FRK: variants seen among roughly 807,000 people sequenced by gnomAD.
FRK encodes the protein fyn related Src family tyrosine kinase.
Under a neutral mutation model 56.4 loss-of-function variants are expected in FRK, and 51 were observed. The ratio of observed to expected loss-of-function variants is 0.90; its 90% CI spans 0.72 to 1.14. The LOEUF (loss-of-function observed/expected upper bound fraction) is 1.14. Among genes scored for constraint, FRK ranks in the 50% most tolerant of loss-of-function variants. The pLI is 0.00. For synonymous variants in FRK, 245 were observed against 217.9 expected, an observed-to-expected ratio of 1.12 and a Z score of -1.10; for missense variants, 570 against 601.4, an observed-to-expected ratio of 0.95 and a Z score of 0.55.
chr6:116,018,433 C>G (rs1205736737), intron 1 of FRK, among the ~76,000 whole-genome samples: 3 of 152,188 alleles, frequency 2.0e-5, no homozygotes, highest in Non-Finnish European at 4.4e-5. Context: ...TATGCATCCT[C>G]TCGCTGTCCA....
the FRK span, among the ~76,000 whole-genome samples, chr6:116,098,264 A>G: frequency 6.6e-6 from 1 of 151,886 alleles, no homozygotes; most frequent in Non-Finnish European, 1.5e-5. Context: ...GGTGCCTGCC[A>G]CCATACCCTG....
At chr6:115,955,457 T>G (rs1772947761) in intron 5 of FRK, among the ~76,000 whole-genome samples, 1 of 152,184 alleles carries the variant, frequency 6.6e-6, no homozygotes, top group Non-Finnish European at 1.5e-5. Context: ...AAGGGGTTAT[T>G]TAATAGCTGA....
At chr6:116,007,370 A>T (rs11153591) in intron 1 of FRK, among the ~76,000 whole-genome samples, 29,905 of 152,118 alleles carry the variant, frequency 0.2, 3,845 homozygotes, top group Middle Eastern at 0.35. Flanking sequence ...AGATGAGGAA[A>T]CTCAGGCCCA....
rs746468630 is a variant in FRK, at chr6:115,931,371, G to A, written c.*11043C>T. On this transcript the variant is annotated 3_prime_UTR_variant, in exon 8 of 8. Transcript: ENST00000606080. ...AAATAAAAATGTTTAAAAATTGTAA[G>A]TAGTTACATTTGAATCTGGGTAAAT... The A allele has an allele frequency of 4.6e-5, 7 of 152,262 alleles. No individual in the cohort carries two copies. The highest frequency in any genetic ancestry group is 6.5e-5 in the Admixed American group (1 of 15,298). The allele number at this position is 152,262 out of a possible 1,614,324, so 9.4% of individuals were successfully genotyped here. A position where few individuals can be genotyped will look rare whatever the true frequency, so the allele number is the denominator to read the frequency against.
Position 116,060,131 on chromosome 6 carries a change from A to G in FRK, c.181T>C (p.Leu61=). The change falls in exon 1 of 8, where the codon TTG becomes CTG. Residue 61 remains leucine, a synonymous_variant. Coordinates refer to ENST00000606080, the MANE Select transcript of FRK (RefSeq NM_002031.3). ...AGTTTGTCACCTGCTCGGAAGCTCA[A>G]GTCCTCAGCAGTCCGAGCCTGGTAA... The part of the protein sequence containing the change: ...FDYQARTAED[L]SFRAGDKLQV... 1.9e-6 allele frequency: 3 copies of G among 1,614,180 alleles called. No homozygotes were observed. The highest frequency in any genetic ancestry group is 2.5e-6 in the Non-Finnish European group (3 of 1,180,028).
At position 115,931,970 on chromosome 6, in the gene FRK, A is replaced by G. The variant is rs1333528963; in HGVS notation, c.*10444T>C. ...TTTCTGGAAAAGCTGATTATTCTCCATGAAAATGAAAAAGATGTTACATTG... is the reference window on the plus strand; with the variant it reads ...TTTCTGGAAAAGCTGATTATTCTCCGTGAAAATGAAAAAGATGTTACATTG... On this transcript the variant is annotated 3_prime_UTR_variant, in exon 8 of 8. Coordinates refer to ENST00000606080, the MANE Select transcript of FRK (RefSeq NM_002031.3). The G allele has an allele frequency of 2.0e-5, 3 of 152,214 alleles. No homozygotes were observed. Among genetic ancestry groups the G allele is most frequent in the African/African-American group, 7.2e-5 (3 of 41,444 alleles). 9.4% of individuals were successfully genotyped at this position (152,214 alleles called of 1,614,324 possible).
intron 4 of FRK, among the ~76,000 whole-genome samples, chr6:115,958,818 G>A (rs9400882): frequency 0.035 from 573 of 16,208 alleles, 34 homozygotes; most frequent in Middle Eastern, 0.088. Flanking sequence ...AAGAAAGAAA[G>A]AAAAAGAAAG....
At chr6:116,097,592 C>T in the FRK span, among the ~76,000 whole-genome samples, 1 of 152,046 alleles carries the variant, frequency 6.6e-6, no homozygotes, top group Non-Finnish European at 1.5e-5. Context: ...CAAGTCACAC[C>T]TAAGGTTAAA....
At chr6:116,059,728 T>C (rs1012534529) in intron 1 of FRK, among the ~76,000 whole-genome samples, 1 of 152,174 alleles carries the variant, frequency 6.6e-6, no homozygotes, top group Non-Finnish European at 1.5e-5. Flanking sequence ...ATTTTGAAAA[T>C]ACACCCTGGA....
intron 1 of FRK, among the ~76,000 whole-genome samples, chr6:116,059,119 A>G (rs908912339): frequency 2.4e-4 from 36 of 151,664 alleles, no homozygotes; most frequent in Non-Finnish European, 4.4e-4. Flanking sequence ...ACCCTCCCCA[A>G]CTCACCAGGC....
At chr6:116,069,367 A>T in the FRK span, among the ~76,000 whole-genome samples, 2 of 152,188 alleles carry the variant, frequency 1.3e-5, no homozygotes, top group African/African-American at 4.8e-5. Context: ...TTCTTGGCTA[A>T]TTCCAAACTC....
intron 2 of FRK, among the ~76,000 whole-genome samples, chr6:115,980,592 C>G (rs747641280): frequency 1.1e-4 from 17 of 152,094 alleles, no homozygotes; most frequent in Non-Finnish European, 2.2e-4. Context: ...TCCAAACCAA[C>G]TGTAATAAAG....
At chr6:116,007,205 T>C (rs896129433) in intron 1 of FRK, among the ~76,000 whole-genome samples, 3 of 152,232 alleles carry the variant, frequency 2.0e-5, no homozygotes, top group Non-Finnish European at 2.9e-5. Flanking sequence ...ATTAGTTCAT[T>C]GCTCTCCATC....
At chr6:115,954,842 T>A (rs1772922699) in intron 5 of FRK, among the ~76,000 whole-genome samples, 1 of 152,196 alleles carries the variant, frequency 6.6e-6, no homozygotes, top group African/African-American at 2.4e-5. Context: ...AGGGTGAGAT[T>A]AGTCTCATCC....
chr6:116,000,501 C>T (rs1455308282), intron 2 of FRK, among the ~76,000 whole-genome samples: 1 of 152,030 alleles, frequency 6.6e-6, no homozygotes, highest in Non-Finnish European at 1.5e-5. Context: ...GCTCGGCCTC[C>T]CAAAGTGCTG....
chr6:115,959,373 C>G (rs938049603), intron 4 of FRK, among the ~76,000 whole-genome samples: 1 of 152,022 alleles, frequency 6.6e-6, no homozygotes, highest in African/African-American at 2.4e-5. Context: ...CAAAGGGCTT[C>G]CTTAGAGAAC....
chr6:116,010,368 A>G (rs951832486), intron 1 of FRK, among the ~76,000 whole-genome samples: 1 of 152,228 alleles, frequency 6.6e-6, no homozygotes, highest in Non-Finnish European at 1.5e-5. Flanking sequence ...GTTGTAGATT[A>G]CTTTAAAATG....
the FRK span, among the ~76,000 whole-genome samples, chr6:116,071,072 A>G: frequency 6.6e-6 from 1 of 152,174 alleles, no homozygotes; most frequent in Non-Finnish European, 1.5e-5. Flanking sequence ...GCCTTGGAAG[A>G]TAAGAGTAGC....
rs575358837 is a variant in FRK, at chr6:116,037,139, G to T, written c.344+22829C>A. 6.6e-5 allele frequency among the ~76,000 whole-genome samples: 10 copies of T among 152,158 alleles called. No homozygotes were observed. In the South Asian group the frequency reaches 2.1e-3, roughly 31 times the overall value. On this transcript the variant is annotated intron_variant, in intron 1 of 7. Coordinates refer to ENST00000606080, the MANE Select transcript of FRK (RefSeq NM_002031.3). Reference sequence around the variant, plus strand: ...TAACTTACTCTAATACCCTACAGAAGCCTTTGGTTTTACCACCTTTAAAAT... The same window carrying T: ...TAACTTACTCTAATACCCTACAGAATCCTTTGGTTTTACCACCTTTAAAAT...
Sources: gnomAD v4.1 joint callset for allele counts (sites outside exome capture counted in the v4.1 genomes callset) on GRCh38, gnomAD v4.1.1 for gene constraint, MANE v1.5 for transcripts, NCBI Gene and HGNC (gene_info 2026-07-23, HGNC 2026-07-21) for gene names.